The following FAM107B variants were observed in gnomAD, a reference collection of about 807,000 sequenced individuals.
FAM107B encodes family with sequence similarity 107 member B.
In FAM107B, 21 loss-of-function variants were observed where a neutral mutation model predicts 31.5. That is an observed-to-expected ratio of 0.67 (90% confidence interval 0.47 to 0.96). The LOEUF (loss-of-function observed/expected upper bound fraction) is 0.96, where lower values mean the gene tolerates loss of function less well. FAM107B is among the 40% of genes least tolerant of loss of function. The pLI, the probability that FAM107B is intolerant of heterozygous loss-of-function variation, is 0.00. For synonymous variants in FAM107B, 157 were observed against 141.5 expected (o/e 1.11, Z -0.78); for missense variants, 452 against 377.1 (o/e 1.20, Z -1.64).
At chr10:14,767,055 TAGAGAGAGAGAGAG>T (rs1186875187) in intron 1 of FAM107B, among the ~76,000 whole-genome samples, 28 of 18,270 alleles carry the variant, frequency 1.5e-3, no homozygotes, top group East Asian at 3.8e-3. Context: ...TATATATATA[TAGAGAGAGAGAGAG>T]AGAGAGAGAG....
chr10:14,523,854 C>T (rs1588462087), intron 3 of FAM107B, among the ~76,000 whole-genome samples: 1 of 150,712 alleles, frequency 6.6e-6, no homozygotes, highest in South Asian at 2.1e-4. Flanking sequence ...GAGTAAAAAT[C>T]GGTATATTCC....
At chr10:14,687,999 G>A (rs1214475891) in intron 1 of FAM107B, among the ~76,000 whole-genome samples, 2 of 152,218 alleles carry the variant, frequency 1.3e-5, no homozygotes, top group African/African-American at 4.8e-5. Flanking sequence ...TAACATTTGA[G>A]TCAGTGGGCT....
intron 2 of FAM107B, among the ~76,000 whole-genome samples, chr10:14,599,560 T>C (rs1458291266): frequency 6.6e-6 from 1 of 152,106 alleles, no homozygotes; most frequent in Non-Finnish European, 1.5e-5. Context: ...CCCAGCACTT[T>C]GGGAGGCCAA....
chr10:14,628,165 G>A (rs1853223029), intron 2 of FAM107B, among the ~76,000 whole-genome samples: 2 of 128,042 alleles, frequency 1.6e-5, no homozygotes, highest in Non-Finnish European at 3.2e-5. Context: ...TGCCCAGGCT[G>A]GAGTGCAGTG....
At chr10:14,631,087 G>C (rs1180867546) in intron 2 of FAM107B, among the ~76,000 whole-genome samples, 1 of 152,086 alleles carries the variant, frequency 6.6e-6, no homozygotes, top group Non-Finnish European at 1.5e-5. Context: ...CTATTGTACT[G>C]ATCATTACAA....
At chr10:14,719,312 T>C (rs955707152) in intron 1 of FAM107B, among the ~76,000 whole-genome samples, 3 of 152,230 alleles carry the variant, frequency 2.0e-5, no homozygotes, top group African/African-American at 7.2e-5. Flanking sequence ...ACCTACTTCA[T>C]TGGCCTGTCC....
chr10:14,677,405 A>G (rs1323013158), intron 1 of FAM107B, among the ~76,000 whole-genome samples: 4 of 152,172 alleles, frequency 2.6e-5, no homozygotes, highest in African/African-American at 7.2e-5. Context: ...GCAGATCACG[A>G]GGTCAGGAGA....
intron 1 of FAM107B, among the ~76,000 whole-genome samples, chr10:14,753,493 G>A (rs1832869533): frequency 6.6e-6 from 1 of 152,178 alleles, no homozygotes; most frequent in Non-Finnish European, 1.5e-5. Context: ...CAATATACAG[G>A]AAGAACTTCT....
rs143860497 is a variant in FAM107B at position 14,583,337 on chromosome 10, G to C, written c.470-52822C>G. 4.5e-3 allele frequency among the ~76,000 whole-genome samples: 684 copies of C among 152,176 alleles called. 15 individuals are homozygous for C. The highest frequency in any genetic ancestry group is 0.032 in the Admixed American group (490 of 15,282). ...CTTATTTGAGAGTCAGGGCCCTCGC[G>C]GGGCAGAGTCGGAGATGAAGATACT... On this transcript the variant is annotated intron_variant, in intron 2 of 4. Transcript: ENST00000181796.
chr10:14,765,354 C>T (rs1833141642), intron 1 of FAM107B, among the ~76,000 whole-genome samples: 1 of 152,200 alleles, frequency 6.6e-6, no homozygotes, highest in Non-Finnish European at 1.5e-5. Context: ...GCCAAATCTG[C>T]ACCATGTAAA....
At chr10:14,539,739 C>T (rs1847988429) in intron 2 of FAM107B, among the ~76,000 whole-genome samples, 1 of 152,078 alleles carries the variant, frequency 6.6e-6, no homozygotes, top group African/African-American at 2.4e-5. Context: ...CTTCAAGGGC[C>T]CACAGACAAC....
At chr10:14,672,071 GT>G (rs1296029704) in intron 1 of FAM107B, among the ~76,000 whole-genome samples, 3 of 146,380 alleles carry the variant, frequency 2.0e-5, no homozygotes, top group Non-Finnish European at 3.0e-5. Flanking sequence ...GCCATCATGA[GT>G]TTTTTTCTTT....
In FAM107B at chr10:14,600,608, T is replaced by C. The variant is rs567233544; in HGVS notation, c.469+67026A>G. 5.3e-5 allele frequency among the ~76,000 whole-genome samples: 8 copies of C among 152,284 alleles called. No individual in the cohort carries two copies. The South Asian group carries it at 1.7e-3, about 32-fold the overall frequency. ...CTCTTAACTGTAATTAAACAATTTT[T>C]GTGTAATTTTGTATAATTCTTTTTT... On this transcript the variant is annotated intron_variant, in intron 2 of 4. Coordinates refer to ENST00000181796, the MANE Select transcript of FAM107B (RefSeq NM_031453.4).
intron 2 of FAM107B, among the ~76,000 whole-genome samples, chr10:14,613,868 C>T (rs964108896): frequency 6.6e-6 from 1 of 152,182 alleles, no homozygotes; most frequent in Non-Finnish European, 1.5e-5. Flanking sequence ...CAGTGGCTCA[C>T]ACCTGTAATC....
intron 1 of FAM107B, among the ~76,000 whole-genome samples, chr10:14,699,476 A>T (rs1409538977): frequency 6.6e-6 from 1 of 152,188 alleles, no homozygotes; most frequent in African/African-American, 2.4e-5. Context: ...AGGAACACTG[A>T]TGCTCAAGGG....
At chr10:14,639,454 G>A (rs773958303) in intron 2 of FAM107B, among the ~76,000 whole-genome samples, 2 of 152,192 alleles carry the variant, frequency 1.3e-5, no homozygotes, top group Admixed American at 6.5e-5. Flanking sequence ...CTGATTTTTG[G>A]TTCAGCAAAT....
At chr10:14,754,654 G>A (rs1428367181) in intron 1 of FAM107B, among the ~76,000 whole-genome samples, 3 of 152,154 alleles carry the variant, frequency 2.0e-5, no homozygotes, top group African/African-American at 7.2e-5. Flanking sequence ...CTGGTCTTCG[G>A]TGCCATCTTT....
At chr10:14,688,032 A>G (rs1824326) in intron 1 of FAM107B, among the ~76,000 whole-genome samples, 8,031 of 152,256 alleles carry the variant, frequency 0.053, 705 homozygotes, top group African/African-American at 0.18. Flanking sequence ...CCCACCTTCA[A>G]TTTGGGTGGG....
At position 14,572,029 on chromosome 10, in the gene FAM107B, G is replaced by C. The variant is rs1040599276; in HGVS notation, c.470-41514C>G. On this transcript the variant is annotated intron_variant, in intron 2 of 4. Transcript: ENST00000181796. ...TAGTTCCTTAGAGCGGTGAAGAAAA[G>C]CACCCAAAACAAGAATTAACCATCC... 7 of 985,272 alleles carry C rather than the reference G, an allele frequency of 7.1e-6. No individual in the cohort carries two copies. The African/African-American group carries it at 1.2e-4, about 17-fold the overall frequency. 61.0% of individuals were successfully genotyped at this position (985,272 alleles called of 1,614,324 possible).
Sources: gnomAD v4.1 joint callset for allele counts (sites outside exome capture counted in the v4.1 genomes callset) on GRCh38, gnomAD v4.1.1 for gene constraint, MANE v1.5 for transcripts, NCBI Gene and HGNC (gene_info 2026-07-23, HGNC 2026-07-21) for gene names.